The following FAM193A variants were observed in gnomAD, a reference collection of about 807,000 sequenced individuals.
The protein encoded by FAM193A is family with sequence similarity 193 member A.
In FAM193A, 22 loss-of-function variants were observed where a neutral mutation model predicts 126.5. That is an observed-to-expected ratio of 0.17 (90% CI 0.12 to 0.25). The LOEUF is 0.25. Among genes scored for constraint, FAM193A ranks in the 10% least tolerant of loss-of-function variants. FAM193A has a pLI of 1.00. For synonymous variants in FAM193A, 761 were observed against 646.8 expected (o/e 1.18, Z -2.68); for missense variants, 1,675 against 1,672.8 (o/e 1.00, Z -0.02).
intron 1 of FAM193A, among the ~76,000 whole-genome samples, chr4:2,583,592 A>T (rs930046433): frequency 6.6e-5 from 10 of 152,114 alleles, no homozygotes; most frequent in African/African-American, 2.4e-4. Context: ...TGATTGCCTC[A>T]TGAGTGCCAC....
At chr4:2,622,012 T>C (rs1742575187) in intron 2 of FAM193A, among the ~76,000 whole-genome samples, 1 of 152,066 alleles carries the variant, frequency 6.6e-6, no homozygotes, top group Non-Finnish European at 1.5e-5. Context: ...CCCAGCACTT[T>C]GGGAAATGAA....
intron 4 of FAM193A, among the ~76,000 whole-genome samples, chr4:2,627,143 T>C (rs934038776): frequency 6.6e-6 from 1 of 151,150 alleles, no homozygotes; most frequent in Non-Finnish European, 1.5e-5. Flanking sequence ...TTATTCTTCC[T>C]TATAGTTTGA....
intron 7 of FAM193A, among the ~76,000 whole-genome samples, chr4:2,647,572 G>A (rs1014120564): frequency 6.6e-6 from 1 of 152,188 alleles, no homozygotes; most frequent in Non-Finnish European, 1.5e-5. Context: ...GGCTCACCAG[G>A]TGGAAGACAG....
intron 2 of FAM193A, among the ~76,000 whole-genome samples, chr4:2,612,210 A>T (rs147123936): frequency 6.7e-6 from 1 of 150,024 alleles, no homozygotes; most frequent in Non-Finnish European, 1.5e-5. Context: ...GGTTATAAAG[A>T]TTTTTTGCCC....
At chr4:2,570,664 G>A (rs1272985998) in intron 1 of FAM193A, among the ~76,000 whole-genome samples, 2 of 152,082 alleles carry the variant, frequency 1.3e-5, no homozygotes, top group African/African-American at 4.8e-5. Context: ...CCATGTCTAG[G>A]TGCAAGGCTG....
chr4:2,556,246 G>A (rs963759210), intron 1 of FAM193A, among the ~76,000 whole-genome samples: 1 of 149,104 alleles, frequency 6.7e-6, no homozygotes, highest in Non-Finnish European at 1.5e-5. Context: ...TCGCTCTGTT[G>A]CCAGGCTGGA....
At chr4:2,591,639 A>G (rs1740578681) in intron 1 of FAM193A, among the ~76,000 whole-genome samples, 1 of 152,018 alleles carries the variant, frequency 6.6e-6, no homozygotes, top group South Asian at 2.1e-4. Flanking sequence ...TTTTTTCTTC[A>G]TGTTTATAAG....
rs1937555482 is a variant in FAM193A at position 2,732,144 on chromosome 4, G to T, written c.*276G>T. The T allele has an allele frequency of 8.4e-6, 4 of 476,874 alleles. No individual in the cohort carries two copies. Among genetic ancestry groups the T allele is most frequent in the Non-Finnish European group, 1.5e-5 (4 of 259,494 alleles). The allele number at this position is 476,874 out of a possible 1,614,324, so 29.5% of individuals were successfully genotyped here. A position where few individuals can be genotyped will look rare whatever the true frequency, so the allele number is the denominator to read the frequency against. On this transcript the variant is annotated 3_prime_UTR_variant, in exon 21 of 21. Coordinates refer to ENST00000637812, the MANE Select transcript of FAM193A (RefSeq NM_001366318.2). Reference sequence around the variant, plus strand: ...TCCTCCCACCACCGCGGCCTCGGAGGCCTGGGCCGTGGCCAGATAGGAGTT... The same window carrying T: ...TCCTCCCACCACCGCGGCCTCGGAGTCCTGGGCCGTGGCCAGATAGGAGTT...
At chr4:2,684,357 T>C (rs770958328) in intron 13 of FAM193A, among the ~76,000 whole-genome samples, 11 of 152,190 alleles carry the variant, frequency 7.2e-5, no homozygotes, top group Non-Finnish European at 1.6e-4. Context: ...ATATTTATTA[T>C]TTATAAGTTT....
intron 1 of FAM193A, among the ~76,000 whole-genome samples, chr4:2,555,634 T>C (rs1026090674): frequency 1.3e-5 from 2 of 152,144 alleles, no homozygotes; most frequent in East Asian, 3.9e-4. Context: ...TTTTTTGTTT[T>C]TGAGACAGAG....
intron 20 of FAM193A, among the ~76,000 whole-genome samples, chr4:2,717,869 A>G (rs926238809): frequency 6.6e-6 from 1 of 151,956 alleles, no homozygotes; most frequent in African/African-American, 2.4e-5. Context: ...GGCCAGGCTA[A>G]TCTTGAACTC....
At chr4:2,697,063 T>G (rs1422720798) in intron 18 of FAM193A, among the ~76,000 whole-genome samples, 3 of 152,118 alleles carry the variant, frequency 2.0e-5, no homozygotes, top group African/African-American at 7.2e-5. Flanking sequence ...GCTGCTCTTG[T>G]CCCACTGCTG....
intron 20 of FAM193A, among the ~76,000 whole-genome samples, chr4:2,718,428 A>T (rs1362434582): frequency 2.7e-5 from 1 of 37,572 alleles, no homozygotes; most frequent in South Asian, 1.1e-3. Flanking sequence ...TCAGTAATTA[A>T]AAAAAAAAAA....
Position 2,657,842 on chromosome 4 carries a change from T to C in FAM193A, c.1351T>C (p.Trp451Arg), listed in dbSNP as rs761803600. The C allele has an allele frequency of 2.0e-5, 32 of 1,612,836 alleles. No individual in the cohort carries two copies. The highest frequency in any genetic ancestry group is 1.6e-4 in the Middle Eastern group (1 of 6,084). ...KTKQRMLTED[W>R]ELFKQRRFIE... is the part of the protein sequence containing the mutation. The stretch of plus-strand genomic sequence containing the variant: ...CAAGCAGCGCATGTTAACAGAAGAC[T>C]GGGAGCTTTTTAAACAAAGAAGATT... Residue 451 changes from tryptophan (W) to arginine (R), a missense_variant, in exon 8 of 21, where the codon TGG becomes CGG. Trp to Arg is a moderately radical substitution (Grantham distance 101, BLOSUM62 -3). Transcript: ENST00000637812.
intron 13 of FAM193A, among the ~76,000 whole-genome samples, chr4:2,673,971 T>TACCTGTTAAACTTTA (rs1485880402): frequency 1.3e-5 from 2 of 152,224 alleles, no homozygotes; most frequent in African/African-American, 4.8e-5. Flanking sequence ...GTTCTCTTGA[T>TACCTGTTAAACTTTA]ACCTGTTAAA....
intron 19 of FAM193A, chr4:2,708,243 A>G: frequency 4.8e-6 from 2 of 417,038 alleles, no homozygotes; most frequent in South Asian, 3.3e-5. Flanking sequence ...GTGCTGCCTC[A>G]GCCTCCCAAG....
At chr4:2,721,830 G>T (rs969266484) in intron 20 of FAM193A, among the ~76,000 whole-genome samples, 2 of 152,224 alleles carry the variant, frequency 1.3e-5, no homozygotes, top group Non-Finnish European at 2.9e-5. Flanking sequence ...TGTCCCGGGG[G>T]CGGGGCAAAC....
chr4:2,601,065 C>T (rs887745877), intron 2 of FAM193A, among the ~76,000 whole-genome samples: 24 of 151,984 alleles, frequency 1.6e-4, no homozygotes, highest in African/African-American at 1.2e-4. Context: ...GGCTGTTGTG[C>T]GGTATGATAG....
At chr4:2,688,711 T>C (rs1042301966) in intron 13 of FAM193A, among the ~76,000 whole-genome samples, 1 of 152,274 alleles carries the variant, frequency 6.6e-6, no homozygotes, top group Middle Eastern at 3.4e-3. Context: ...CTGGGAAGAG[T>C]TCGTGGTGCA....
Sources: gnomAD v4.1 joint callset for allele counts (sites outside exome capture counted in the v4.1 genomes callset) on GRCh38, gnomAD v4.1.1 for gene constraint, MANE v1.5 for transcripts, NCBI Gene and HGNC (gene_info 2026-07-23, HGNC 2026-07-21) for gene names.